Variants in DCC observed in about 807,000 individuals in gnomAD.
The protein encoded by DCC is netrin receptor DCC.
DCC carries 58 observed loss-of-function variants against 172.5 expected under a neutral mutation model. That is an observed-to-expected ratio of 0.34 (90% CI 0.27 to 0.42). The LOEUF is 0.42. Among genes scored for constraint, DCC ranks in the 10% least tolerant of loss-of-function variants. DCC has a pLI of 1.00. For synonymous variants in DCC, 709 were observed against 644.5 expected (o/e 1.10, Z -1.52); for missense variants, 1,740 against 1,791.0 (o/e 0.97, Z 0.51).
At chr18:53,211,669 A>G (rs62100767) in intron 11 of DCC, among the ~76,000 whole-genome samples, 42,994 of 151,948 alleles carry the variant, frequency 0.28, 7,766 homozygotes, top group Non-Finnish European at 0.41. Flanking sequence ...GCTTGCAGTG[A>G]GCCGAGATCG....
chr18:53,203,280 T>G (rs1476432488), intron 9 of DCC, among the ~76,000 whole-genome samples: 1 of 151,896 alleles, frequency 6.6e-6, no homozygotes, highest in Non-Finnish European at 1.5e-5. Context: ...TATTTTGGTA[T>G]ATATATTTCA....
intron 5 of DCC, among the ~76,000 whole-genome samples, chr18:53,061,363 T>C (rs998985914): frequency 1.3e-5 from 2 of 152,136 alleles, no homozygotes; most frequent in Admixed American, 1.3e-4. Context: ...TTTGTATACA[T>C]ACGTAAACGT....
intron 14 of DCC, among the ~76,000 whole-genome samples, chr18:53,333,473 C>T (rs2057555084): frequency 6.6e-6 from 1 of 152,168 alleles, no homozygotes; most frequent in Admixed American, 6.5e-5. Context: ...TTGACAGTGC[C>T]ATCTATAGCA....
chr18:53,349,023 G>GA (rs1480829021), intron 15 of DCC, among the ~76,000 whole-genome samples: 1 of 152,150 alleles, frequency 6.6e-6, no homozygotes, highest in African/African-American at 2.4e-5. Context: ...TTTCTCCTCA[G>GA]AAAAATCGGA....
At chr18:52,388,947 T>C (rs904573803) in intron 1 of DCC, among the ~76,000 whole-genome samples, 8 of 152,168 alleles carry the variant, frequency 5.3e-5, no homozygotes, top group African/African-American at 1.9e-4. Flanking sequence ...TATGTATTAA[T>C]AGCCAGAGAT....
At chr18:52,517,816 G>C (rs1251583696) in intron 1 of DCC, among the ~76,000 whole-genome samples, 4 of 152,102 alleles carry the variant, frequency 2.6e-5, no homozygotes, top group African/African-American at 7.2e-5. Context: ...ATGCTTATTT[G>C]GGGGTTTAAT....
At chr18:52,387,891 G>A (rs572390629) in intron 1 of DCC, among the ~76,000 whole-genome samples, 2 of 152,106 alleles carry the variant, frequency 1.3e-5, no homozygotes, top group South Asian at 2.1e-4. Flanking sequence ...CCAATATCTA[G>A]TTTTAAAAGT....
intron 8 of DCC, among the ~76,000 whole-genome samples, chr18:53,172,064 A>T (rs1434241646): frequency 6.6e-6 from 1 of 152,156 alleles, no homozygotes; most frequent in Admixed American, 6.6e-5. Context: ...AATAATTCTA[A>T]CAAAAACATC....
chr18:53,284,775 A>G (rs2056916808), intron 12 of DCC, among the ~76,000 whole-genome samples: 1 of 152,196 alleles, frequency 6.6e-6, no homozygotes, highest in Non-Finnish European at 1.5e-5. Context: ...GGAACTCCCT[A>G]GAAACTTGTT....
At chr18:52,839,458 G>A (rs1216937019) in intron 2 of DCC, among the ~76,000 whole-genome samples, 3 of 152,118 alleles carry the variant, frequency 2.0e-5, no homozygotes, top group Admixed American at 6.5e-5. Context: ...TCAAGTCATC[G>A]TGAGTGACAA....
chr18:52,966,890 T>G (rs1368047766), intron 5 of DCC, among the ~76,000 whole-genome samples: 1 of 152,242 alleles, frequency 6.6e-6, no homozygotes, highest in African/African-American at 2.4e-5. Flanking sequence ...TGCTTTGTAA[T>G]AGGCTTAAGT....
At chr18:53,431,763 C>A (rs1911635747) in intron 21 of DCC, among the ~76,000 whole-genome samples, 1 of 152,142 alleles carries the variant, frequency 6.6e-6, no homozygotes, top group Non-Finnish European at 1.5e-5. Context: ...GGATTACAGG[C>A]ATGAGCTACC....
chr18:52,699,581 C>T (rs188304090), intron 1 of DCC, among the ~76,000 whole-genome samples: 158 of 152,252 alleles, frequency 1.0e-3, no homozygotes, highest in Non-Finnish European at 1.9e-3. Context: ...AATGACAAAT[C>T]AAAGCCTTCT....
At chr18:52,997,274 A>T (rs2041497023) in intron 5 of DCC, among the ~76,000 whole-genome samples, 1 of 152,094 alleles carries the variant, frequency 6.6e-6, no homozygotes, top group South Asian at 2.1e-4. Context: ...ATCCCTTCAT[A>T]TTCTACTTAG....
At chr18:52,854,392 A>G (rs947083350) in intron 2 of DCC, among the ~76,000 whole-genome samples, 1 of 152,202 alleles carries the variant, frequency 6.6e-6, no homozygotes, top group Non-Finnish European at 1.5e-5. Context: ...AGATGGAGAT[A>G]GAGGAATTAA....
intron 12 of DCC, among the ~76,000 whole-genome samples, chr18:53,255,669 A>G (rs2056499771): frequency 6.6e-6 from 1 of 152,092 alleles, no homozygotes; most frequent in South Asian, 2.1e-4. Context: ...GTGCCGCAGT[A>G]AACATACATG....
At chr18:53,467,794 C>T in intron 24 of DCC, 100 bp from the exon 25 acceptor site, 1 of 772,304 alleles carries the variant, frequency 1.3e-6, no homozygotes, top group Non-Finnish European at 2.4e-6. Flanking sequence ...TCATAGAAAG[C>T]ATCTGTAAGA....
At chr18:52,658,760 TA>T (rs910916299) in intron 1 of DCC, among the ~76,000 whole-genome samples, 57 of 151,286 alleles carry the variant, frequency 3.8e-4, no homozygotes, top group African/African-American at 1.3e-3. Context: ...GGAAAATATT[TA>T]AAAAAAAATA....
chr18:53,209,779 T>C (rs1319171517), intron 11 of DCC, among the ~76,000 whole-genome samples: 9 of 152,170 alleles, frequency 5.9e-5, no homozygotes, highest in Admixed American at 5.9e-4. Flanking sequence ...GAAAAACAAA[T>C]GAAAGTGAAT....
Sources: allele counts gnomAD v4.1 joint callset (sites outside exome capture counted in the v4.1 genomes callset), GRCh38; gene constraint gnomAD v4.1.1; transcripts MANE v1.5; gene names NCBI Gene and HGNC (gene_info 2026-07-23, HGNC 2026-07-21).